Variants in MAGI3 observed in about 807,000 individuals in gnomAD.
The protein encoded by MAGI3 is membrane-associated guanylate kinase, WW and PDZ domain-containing protein 3.
Under a neutral mutation model 121.8 loss-of-function variants are expected in MAGI3, and 43 were observed. The observed-to-expected ratio is 0.35, with a 90% CI of 0.28 to 0.46. The LOEUF is 0.46. Ranked by LOEUF, MAGI3 falls within the 20% of genes least tolerant of loss-of-function variation. MAGI3 has a pLI of 1.00. For synonymous variants in MAGI3, 553 were observed against 639.3 expected, an observed-to-expected ratio of 0.86 and a Z score of 2.04; for missense variants, 1,547 against 1,797.3, an observed-to-expected ratio of 0.86 and a Z score of 2.52.
At chr1:113,423,965 G>A (rs1652865610) in intron 1 of MAGI3, among the ~76,000 whole-genome samples, 1 of 152,178 alleles carries the variant, frequency 6.6e-6, no homozygotes, top group Admixed American at 6.5e-5. Flanking sequence ...TGTGAGCCTG[G>A]GCAGGGAGAA....
At chr1:113,536,488 C>A (rs1570818012) in intron 1 of MAGI3, among the ~76,000 whole-genome samples, 2 of 152,250 alleles carry the variant, frequency 1.3e-5, no homozygotes, top group East Asian at 3.9e-4. Context: ...TATTCATGAT[C>A]CTGTTACCTA....
intron 1 of MAGI3, among the ~76,000 whole-genome samples, chr1:113,465,050 C>G (rs1434862969): frequency 6.6e-6 from 1 of 152,078 alleles, no homozygotes; most frequent in African/African-American, 2.4e-5. Context: ...TTTCGACATC[C>G]TACACAGAAA....
intron 9 of MAGI3, among the ~76,000 whole-genome samples, chr1:113,636,654 G>C (rs912492511): frequency 8.6e-5 from 13 of 151,906 alleles, no homozygotes. Context: ...CCAACTATGT[G>C]GTCAATTTTG....
In MAGI3 at chr1:113,612,635, C is replaced by CAA. The variant is rs11390901; in HGVS notation, c.1019-1959_1019-1958dup. On this transcript the variant is annotated intron_variant, in intron 6 of 20. Coordinates refer to ENST00000307546, the MANE Select transcript of MAGI3 (RefSeq NM_001142782.2). ...TGTGTGAAAACAAAACAAAACCAAA[C>CAA]AAAAAAAACTTGCTAATGGTATCAG... 1.5e-3 allele frequency among the ~76,000 whole-genome samples: 232 copies of CAA among 151,824 alleles called. 4 individuals carry two copies. The highest frequency in any genetic ancestry group is 1.7e-3 in the Non-Finnish European group (113 of 67,918).
At chr1:113,458,335 G>A (rs1212493064) in intron 1 of MAGI3, among the ~76,000 whole-genome samples, 1 of 152,070 alleles carries the variant, frequency 6.6e-6, no homozygotes, top group Non-Finnish European at 1.5e-5. Context: ...ATAATAAAGT[G>A]TATAATGAAT....
chr1:113,433,707 A>G (rs948031583), intron 1 of MAGI3, among the ~76,000 whole-genome samples: 2 of 152,232 alleles, frequency 1.3e-5, no homozygotes, highest in Admixed American at 1.3e-4. Flanking sequence ...ATAGATAATA[A>G]TAAACCATTT....
intron 1 of MAGI3, among the ~76,000 whole-genome samples, chr1:113,530,476 T>TA (rs1293769011): frequency 2.0e-5 from 3 of 150,910 alleles, no homozygotes; most frequent in Non-Finnish European, 4.4e-5. Flanking sequence ...GGGAGAGGAT[T>TA]AAAAAAAATA....
chr1:113,430,769 A>T (rs373249699), intron 1 of MAGI3, among the ~76,000 whole-genome samples: 1 of 152,320 alleles, frequency 6.6e-6, no homozygotes, highest in East Asian at 1.9e-4. Context: ...GTTCTAAAGG[A>T]ATTTTCCTGT....
chr1:113,416,007 T>TATATTAATTATGTAATTAATTACAC (rs1652287192), intron 1 of MAGI3, among the ~76,000 whole-genome samples: 1 of 86,420 alleles, frequency 1.2e-5, no homozygotes, highest in African/African-American at 3.7e-5. Flanking sequence ...ATTAATTACA[T>TATATTAATTATGTAATTAATTACAC]ATATTAATTA....
intron 2 of MAGI3, among the ~76,000 whole-genome samples, chr1:113,554,327 T>C (rs1281549150): frequency 6.6e-6 from 1 of 151,980 alleles, no homozygotes; most frequent in African/African-American, 2.4e-5. Flanking sequence ...ACCTTAAAAA[T>C]TCACTGAATG....
chr1:113,416,468 A>ATTAAT (rs1652445500), intron 1 of MAGI3, among the ~76,000 whole-genome samples: 7 of 162 alleles, frequency 0.043, 2 homozygotes, highest in Middle Eastern at 1. Flanking sequence ...ATTATATATA[A>ATTAAT]TTTATAAATA....
At chr1:113,642,686 C>A (rs531312655) in intron 10 of MAGI3, among the ~76,000 whole-genome samples, 170 bp downstream of exon 10, 1 of 152,252 alleles carries the variant, frequency 6.6e-6, no homozygotes, top group South Asian at 2.1e-4. Flanking sequence ...TCTTTTTCAG[C>A]AGTTTTTAAA....
At chr1:113,675,744 TG>T (rs1389862793) in intron 19 of MAGI3, among the ~76,000 whole-genome samples, 2 of 151,948 alleles carry the variant, frequency 1.3e-5, no homozygotes, top group African/African-American at 4.8e-5. Flanking sequence ...AGCTGCAGAG[TG>T]TTTATGACAA....
At chr1:113,557,721 A>G (rs1206612111) in intron 2 of MAGI3, among the ~76,000 whole-genome samples, 1 of 152,156 alleles carries the variant, frequency 6.6e-6, no homozygotes, top group East Asian at 1.9e-4. Context: ...CTCCTTTACC[A>G]AAAAGCAGCC....
In MAGI3 at chr1:113,391,053, A is replaced by G. The variant is rs189539763; in HGVS notation, c.20A>G (p.Lys7Arg). The G allele has an allele frequency of 3.5e-3, 5,606 of 1,590,508 alleles. 17 individuals carry two copies. The highest frequency in any genetic ancestry group is 4.3e-3 in the Non-Finnish European group (5,083 of 1,169,664). Reference sequence around the variant, plus strand: ...TTCGGGATGTCGAAGACGCTGAAGAAGAAGAAGCACTGGCTCAGCAAGGTG... The same window carrying G: ...TTCGGGATGTCGAAGACGCTGAAGAGGAAGAAGCACTGGCTCAGCAAGGTG... MSKTLKKKKHWLSKVQE... is the reference protein window; with the variant it reads MSKTLKRKKHWLSKVQE... Residue 7 changes from lysine to arginine, a missense_variant, in exon 1 of 21, where the codon AAG becomes AGG. Physicochemically the swap from Lys to Arg is conservative, Grantham distance 26. Transcript: ENST00000307546. The surrounding 1 kb of genome is among the most constrained non-coding windows in gnomAD (Gnocchi z 4.4).
intron 1 of MAGI3, among the ~76,000 whole-genome samples, chr1:113,507,949 G>A (rs1314723991): frequency 6.6e-6 from 1 of 152,080 alleles, no homozygotes; most frequent in Non-Finnish European, 1.5e-5. Flanking sequence ...GGGGTCATGT[G>A]CCTGCTCTTT....
At position 113,446,753 on chromosome 1, in the gene MAGI3, C is replaced by A. The variant is rs566991386; in HGVS notation, c.316+55404C>A. Reference sequence around the variant, plus strand: ...CTATACTGTTATCAGACAAAATAGGCTTTAAATCAAAATGTTGTAAGAGAC... The same window carrying A: ...CTATACTGTTATCAGACAAAATAGGATTTAAATCAAAATGTTGTAAGAGAC... On this transcript the variant is annotated intron_variant, in intron 1 of 20. Coordinates refer to ENST00000307546, the MANE Select transcript of MAGI3 (RefSeq NM_001142782.2). Among the ~76,000 whole-genome samples the A allele has an allele frequency of 2.0e-5, 3 of 152,196 alleles. No homozygotes were observed. The South Asian group carries it at 6.2e-4, about 32-fold the overall frequency.
intron 9 of MAGI3, among the ~76,000 whole-genome samples, chr1:113,632,405 A>G (rs1007815523): frequency 6.6e-6 from 1 of 152,174 alleles, no homozygotes; most frequent in African/African-American, 2.4e-5. Flanking sequence ...AAATTCTGGG[A>G]GCTTTAATAC....
At chr1:113,474,383 T>C (rs1198905007) in intron 1 of MAGI3, among the ~76,000 whole-genome samples, 2 of 152,240 alleles carry the variant, frequency 1.3e-5, no homozygotes, top group East Asian at 3.8e-4. Flanking sequence ...CTTCTAGGGT[T>C]TTTATGGTTT....
Sources: allele counts gnomAD v4.1 joint callset (sites outside exome capture counted in the v4.1 genomes callset), GRCh38; gene constraint gnomAD v4.1.1; non-coding constraint Gnocchi (gnomAD v3.1); transcripts MANE v1.5; gene names NCBI Gene and HGNC (gene_info 2026-07-23, HGNC 2026-07-21).